Variants in SORCS3 observed in about 807,000 individuals in gnomAD.
SORCS3 encodes sortilin related VPS10 domain containing receptor 3, also known as VPS10 domain-containing receptor SorCS3.
SORCS3 carries 57 observed loss-of-function variants against 146.3 expected under a neutral mutation model. The ratio of observed to expected loss-of-function variants is 0.39; its 90% CI spans 0.31 to 0.49. The LOEUF (loss-of-function observed/expected upper bound fraction) is 0.49. Among genes scored for constraint, SORCS3 ranks in the 20% least tolerant of loss-of-function variants. SORCS3 has a pLI of 0.92. For synonymous variants in SORCS3, 653 were observed against 618.5 expected, an observed-to-expected ratio of 1.06 and a Z score of -0.83; for missense variants, 1,341 against 1,575.5, an observed-to-expected ratio of 0.85 and a Z score of 2.52.
intron 1 of SORCS3, among the ~76,000 whole-genome samples, chr10:104,702,852 T>C (rs2016296866): frequency 6.6e-6 from 1 of 152,202 alleles, no homozygotes; most frequent in South Asian, 2.1e-4. Flanking sequence ...ACTATACGAA[T>C]ATCTAGCTTG....
At chr10:105,177,090 T>A (rs962116816) in intron 13 of SORCS3, among the ~76,000 whole-genome samples, 7 of 151,858 alleles carry the variant, frequency 4.6e-5, no homozygotes, top group Admixed American at 1.3e-4. Context: ...ACTCGCAGAG[T>A]TTATAATCTT....
In SORCS3 at chr10:104,769,347, G is replaced by A. The variant is rs541301964; in HGVS notation, c.628-73445G>A. On this transcript the variant is annotated intron_variant, in intron 1 of 26. Coordinates refer to ENST00000369701, the MANE Select transcript of SORCS3 (RefSeq NM_014978.3). ...AGGCCATCCCAGATGCTGTGCCCAC[G>A]GAGGTGTTGTGGGCTGTTTCTGTTT... is the stretch of plus-strand genomic sequence containing the variant. Among the ~76,000 whole-genome samples the A allele has an allele frequency of 5.3e-5, 8 of 152,330 alleles. No homozygotes were observed. In the East Asian group the frequency reaches 7.7e-4, roughly 15 times the overall value.
chr10:105,092,340 C>G (rs1171914622), intron 6 of SORCS3, among the ~76,000 whole-genome samples: 1 of 152,088 alleles, frequency 6.6e-6, no homozygotes, highest in Non-Finnish European at 1.5e-5. Flanking sequence ...TATATTAGTT[C>G]TGTTCCATCT....
intron 9 of SORCS3, among the ~76,000 whole-genome samples, chr10:105,156,443 T>C (rs1453919671): frequency 3.9e-5 from 6 of 152,216 alleles, no homozygotes; most frequent in East Asian, 3.8e-4. Context: ...TGATGCTCTT[T>C]TCCCGTCAAA....
chr10:104,677,857 A>AAG (rs138750895), intron 1 of SORCS3, among the ~76,000 whole-genome samples: 3 of 150,500 alleles, frequency 2.0e-5, no homozygotes, highest in East Asian at 3.9e-4. Flanking sequence ...ATAGGGGGTG[A>AAG]AGAGAGAGAG....
chr10:104,775,507 G>A (rs2017298308), intron 1 of SORCS3, among the ~76,000 whole-genome samples: 1 of 152,180 alleles, frequency 6.6e-6, no homozygotes, highest in Non-Finnish European at 1.5e-5. Flanking sequence ...AGAAAATGAT[G>A]ATTTGGTGCA....
chr10:105,195,077 T>G (rs1285585763), intron 14 of SORCS3, among the ~76,000 whole-genome samples: 1 of 152,136 alleles, frequency 6.6e-6, no homozygotes. Flanking sequence ...ATTTGAGAAT[T>G]ATAGTATCCT....
At chr10:105,074,533 A>G (rs2055576884) in intron 5 of SORCS3, among the ~76,000 whole-genome samples, 1 of 152,224 alleles carries the variant, frequency 6.6e-6, no homozygotes, top group Admixed American at 6.5e-5. Context: ...CACACAGAGC[A>G]TTATGTTGTC....
intron 1 of SORCS3, among the ~76,000 whole-genome samples, chr10:104,772,858 A>G (rs753872364): frequency 2.0e-5 from 3 of 152,226 alleles, no homozygotes; most frequent in African/African-American, 4.8e-5. Context: ...CAATTCATCA[A>G]AAAGCACATA....
intron 4 of SORCS3, among the ~76,000 whole-genome samples, chr10:105,034,428 T>C (rs2055292223): frequency 1.3e-5 from 2 of 151,906 alleles, no homozygotes; most frequent in Non-Finnish European, 2.9e-5. Flanking sequence ...GAGGGGAAAA[T>C]ACTGGAGGAA....
intron 7 of SORCS3, among the ~76,000 whole-genome samples, chr10:105,106,283 G>C (rs1399402509): frequency 6.6e-6 from 1 of 152,118 alleles, no homozygotes; most frequent in Non-Finnish European, 1.5e-5. Context: ...GTTGAACTTT[G>C]AAAACTCCCT....
rs141590079 is a variant in SORCS3, at chr10:104,910,558, G to C, written c.696-5275G>C. Among the ~76,000 whole-genome samples the C allele has an allele frequency of 2.0e-5, 3 of 152,322 alleles. No individual in the cohort carries two copies. The East Asian group carries it at 5.8e-4, about 29-fold the overall frequency. ...ATACATCTCACAAGCCGAATGTTGG[G>C]TGAAATAAGCAAGCTGCTGAACATA... On this transcript the variant is annotated intron_variant, in intron 2 of 26. Coordinates refer to ENST00000369701, the MANE Select transcript of SORCS3 (RefSeq NM_014978.3).
chr10:104,968,779 A>G (rs1172731557), intron 3 of SORCS3, among the ~76,000 whole-genome samples: 1 of 152,254 alleles, frequency 6.6e-6, no homozygotes. Context: ...TTGTTTTTGT[A>G]GAAACATGCT....
At chr10:105,153,758 G>A (rs1458623241) in intron 9 of SORCS3, among the ~76,000 whole-genome samples, 1 of 151,820 alleles carries the variant, frequency 6.6e-6, no homozygotes, top group African/African-American at 2.4e-5. Flanking sequence ...ACTGGACCCA[G>A]TATACCTGGA....
chr10:104,834,986 GT>G (rs2018049707), intron 1 of SORCS3, among the ~76,000 whole-genome samples: 1 of 152,038 alleles, frequency 6.6e-6, no homozygotes, highest in African/African-American at 2.4e-5. Flanking sequence ...GGGGTTAACA[GT>G]TTTGTAAAAT....
chr10:104,830,978 AT>A (rs543626777), intron 1 of SORCS3, among the ~76,000 whole-genome samples: 81 of 151,770 alleles, frequency 5.3e-4, no homozygotes, highest in Middle Eastern at 3.4e-3. Context: ...TGCCCAGCTA[AT>A]TTTTTTTAAT....
chr10:105,221,984 A>G (rs1301504781), intron 19 of SORCS3, among the ~76,000 whole-genome samples: 1 of 152,052 alleles, frequency 6.6e-6, no homozygotes, highest in African/African-American at 2.4e-5. Flanking sequence ...AAAAGGGAGA[A>G]AAAATCTTGC....
intron 1 of SORCS3, among the ~76,000 whole-genome samples, chr10:104,818,605 T>C (rs1413137203): frequency 1.3e-5 from 2 of 152,168 alleles, no homozygotes; most frequent in Non-Finnish European, 2.9e-5. Flanking sequence ...CCTTGGCTAC[T>C]ACAGGATCCC....
At chr10:104,898,974 C>T (rs1476706119) in intron 2 of SORCS3, among the ~76,000 whole-genome samples, 1 of 152,196 alleles carries the variant, frequency 6.6e-6, no homozygotes, top group Non-Finnish European at 1.5e-5. Context: ...GATGCATGTC[C>T]AGCCCTCCCA....
Sources: allele counts gnomAD v4.1 joint callset (sites outside exome capture counted in the v4.1 genomes callset), GRCh38; gene constraint gnomAD v4.1.1; transcripts MANE v1.5; gene names NCBI Gene and HGNC (gene_info 2026-07-23, HGNC 2026-07-21).